KCNQ3: variants seen among roughly 807,000 people sequenced by gnomAD.
KCNQ3 encodes the protein potassium voltage-gated channel subfamily KQT member 3.
KCNQ3 carries 30 observed loss-of-function variants against 92.5 expected under a neutral mutation model. The observed-to-expected ratio is 0.32, with a 90% CI of 0.24 to 0.44. KCNQ3 has a LOEUF of 0.44. KCNQ3 is among the 20% of genes least tolerant of loss of function. The pLI is 1.00. For synonymous variants in KCNQ3, 450 were observed against 468.8 expected, an observed-to-expected ratio of 0.96 and a Z score of 0.52; for missense variants, 913 against 1,140.3, an observed-to-expected ratio of 0.80 and a Z score of 2.87.
At chr8:132,402,954 A>C (rs1268454168) in intron 1 of KCNQ3, among the ~76,000 whole-genome samples, 10 of 142,046 alleles carry the variant, frequency 7.0e-5, no homozygotes, top group Admixed American at 2.2e-4. Flanking sequence ...GGAGGCAGAG[A>C]TTGCAGTGAG....
At chr8:132,143,110 ATC>A (rs1825349764) in intron 9 of KCNQ3, among the ~76,000 whole-genome samples, 1 of 152,200 alleles carries the variant, frequency 6.6e-6, no homozygotes, top group African/African-American at 2.4e-5. Context: ...CTTCCTCTGG[ATC>A]TGTTCTCTCT....
chr8:132,447,343 C>T lies in KCNQ3; in HGVS notation c.386+32804G>A. On this transcript the variant is annotated intron_variant, in intron 1 of 14. Transcript: ENST00000388996. ...TCAAGATAAAGGTACCAGAGAAAAC[C>T]ACAGGCAGACAGTAAAGGTTTCTAG... 4 of 1,059,882 alleles carry T rather than the reference C, an allele frequency of 3.8e-6. No individual in the cohort carries two copies. In the South Asian group the frequency reaches 5.4e-5, roughly 14 times the overall value. The allele number at this position is 1,059,882 out of a possible 1,614,324, so 65.7% of individuals were successfully genotyped here. A position where few individuals can be genotyped will look rare whatever the true frequency, so the allele number is the denominator to read the frequency against.
At chr8:132,418,410 G>C (rs111575301) in intron 1 of KCNQ3, among the ~76,000 whole-genome samples, 37 of 152,254 alleles carry the variant, frequency 2.4e-4, no homozygotes, top group Non-Finnish European at 5.3e-4. Context: ...GTCTCAACCC[G>C]ACTCTGCCTC....
chr8:132,208,210 T>C (rs983895358), intron 1 of KCNQ3, among the ~76,000 whole-genome samples: 1 of 152,154 alleles, frequency 6.6e-6, no homozygotes, highest in African/African-American at 2.4e-5. Context: ...AAGATATGCA[T>C]GGCCTTATAA....
intron 4 of KCNQ3, among the ~76,000 whole-genome samples, chr8:132,176,574 CCAGTCAGCTGGCCCTTCTGG>C (rs1246131862): frequency 5.3e-5 from 8 of 152,194 alleles, no homozygotes; most frequent in Non-Finnish European, 1.2e-4. Context: ...CCATCTGCGG[CCAGTCAGCTGGCCCTTCTGG>C]GCCAATAGAA....
intron 1 of KCNQ3, among the ~76,000 whole-genome samples, chr8:132,383,206 A>T (rs1369585949): frequency 6.6e-6 from 1 of 152,202 alleles, no homozygotes; most frequent in East Asian, 1.9e-4. Context: ...TGAAGATCCA[A>T]GATAAGGGGA....
Position 132,464,072 on chromosome 8 carries a change from C to G in KCNQ3, c.386+16075G>C, listed in dbSNP as rs1278164471. 3.9e-5 allele frequency among the ~76,000 whole-genome samples: 6 copies of G among 152,202 alleles called. No homozygotes were observed. The East Asian group carries it at 1.2e-3, about 29-fold the overall frequency. On this transcript the variant is annotated intron_variant, in intron 1 of 14. Coordinates refer to ENST00000388996, the MANE Select transcript of KCNQ3 (RefSeq NM_004519.4). ...TGGTGGCGGGCGCCTGTAATCCCAG[C>G]TACTCAGGAGGCTGAGGCAGGAGAA...
chr8:132,479,745 C>T (rs1045277447), intron 1 of KCNQ3, among the ~76,000 whole-genome samples: 4 of 151,740 alleles, frequency 2.6e-5, no homozygotes, highest in Non-Finnish European at 5.9e-5. Flanking sequence ...GAAACAGAAA[C>T]ACAGAGCTCA....
chr8:132,217,169 G>T (rs190945120), intron 1 of KCNQ3, among the ~76,000 whole-genome samples: 10 of 152,052 alleles, frequency 6.6e-5, no homozygotes, highest in Non-Finnish European at 1.3e-4. Flanking sequence ...AATTTACCAC[G>T]GTGGGAGTAT....
At chr8:132,217,944 G>C (rs144951252) in intron 1 of KCNQ3, among the ~76,000 whole-genome samples, 35 of 152,260 alleles carry the variant, frequency 2.3e-4, no homozygotes, top group African/African-American at 7.7e-4. Flanking sequence ...TCGAAAAACA[G>C]TTTGTTCTCC....
intron 1 of KCNQ3, among the ~76,000 whole-genome samples, chr8:132,381,650 G>A (rs1029415374): frequency 3.3e-5 from 5 of 152,232 alleles, no homozygotes. Context: ...GCCAGGCACT[G>A]TTCTAGGTGC....
At chr8:132,265,790 C>T (rs1815961869) in intron 1 of KCNQ3, among the ~76,000 whole-genome samples, 1 of 152,176 alleles carries the variant, frequency 6.6e-6, no homozygotes, top group Admixed American at 6.5e-5. Context: ...TACCCCATCC[C>T]TTTTTTCCTC....
chr8:132,132,851 T>C (rs1267558693), intron 13 of KCNQ3, among the ~76,000 whole-genome samples: 1 of 152,244 alleles, frequency 6.6e-6, no homozygotes, highest in East Asian at 1.9e-4. Flanking sequence ...TTCTGGTTAG[T>C]TTCAACATTT....
intron 1 of KCNQ3, among the ~76,000 whole-genome samples, chr8:132,209,098 G>T (rs1366732321): frequency 2.0e-5 from 3 of 152,138 alleles, no homozygotes; most frequent in South Asian, 4.1e-4. Context: ...CTGTTTATTT[G>T]CATGGGAAGA....
At chr8:132,225,423 T>C (rs971869325) in intron 1 of KCNQ3, among the ~76,000 whole-genome samples, 2 of 152,112 alleles carry the variant, frequency 1.3e-5, no homozygotes, top group Non-Finnish European at 2.9e-5. Context: ...TTCTAAAAAG[T>C]CATAGAAAGC....
At chr8:132,217,726 A>AC (rs1226838897) in intron 1 of KCNQ3, among the ~76,000 whole-genome samples, 1 of 151,376 alleles carries the variant, frequency 6.6e-6, no homozygotes, top group Non-Finnish European at 1.5e-5. Context: ...AAAAAAAAAA[A>AC]AAAACAAAAC....
intron 9 of KCNQ3, among the ~76,000 whole-genome samples, chr8:132,162,974 G>C (rs1417070588): frequency 6.6e-6 from 1 of 152,110 alleles, no homozygotes; most frequent in African/African-American, 2.4e-5. Flanking sequence ...TGGTTTACTG[G>C]GAAACCTCCA....
chr8:132,436,400 C>A (rs750501495), intron 1 of KCNQ3, among the ~76,000 whole-genome samples: 1 of 152,158 alleles, frequency 6.6e-6, no homozygotes, highest in Non-Finnish European at 1.5e-5. Flanking sequence ...TAGATCCATG[C>A]GGAATACCTC....
intron 1 of KCNQ3, among the ~76,000 whole-genome samples, chr8:132,441,070 G>A (rs191797178): frequency 3.3e-5 from 5 of 152,338 alleles, no homozygotes; most frequent in East Asian, 1.9e-4. Flanking sequence ...GGCTCCAAGA[G>A]GAGAAGTAAC....
Sources: allele counts gnomAD v4.1 joint callset (sites outside exome capture counted in the v4.1 genomes callset), GRCh38; gene constraint gnomAD v4.1.1; transcripts MANE v1.5; gene names NCBI Gene and HGNC (gene_info 2026-07-23, HGNC 2026-07-21).